Variants in TMEM117 observed in about 807,000 individuals in gnomAD.
TMEM117 encodes the protein transmembrane protein 117.
In TMEM117, 27 loss-of-function variants were observed where a neutral mutation model predicts 52.4. The ratio of observed to expected loss-of-function variants is 0.51; its 90% CI spans 0.38 to 0.71. The LOEUF (loss-of-function observed/expected upper bound fraction) is 0.71. TMEM117 is among the 30% of genes least tolerant of loss of function. TMEM117 has a pLI of 0.00. For missense variants in TMEM117, 556 were observed against 630.5 expected (o/e 0.88, Z 1.26); for synonymous variants, 215 against 206.3 (o/e 1.04, Z -0.36).
chr12:44,245,832 A>C (rs568395676), intron 5 of TMEM117, among the ~76,000 whole-genome samples: 9 of 152,158 alleles, frequency 5.9e-5, no homozygotes, highest in Non-Finnish European at 1.2e-4. Flanking sequence ...TCAGGAAAAC[A>C]GAACTTTCTA....
At chr12:44,298,839 C>T (rs1427608836) in intron 5 of TMEM117, among the ~76,000 whole-genome samples, 5 of 150,680 alleles carry the variant, frequency 3.3e-5, no homozygotes, top group African/African-American at 1.3e-4. Context: ...CTTATCAAGT[C>T]TTAGAGATGG....
intron 1 of TMEM117, among the ~76,000 whole-genome samples, chr12:43,842,965 G>A (rs1408451313): frequency 6.6e-6 from 1 of 152,152 alleles, no homozygotes; most frequent in East Asian, 1.9e-4. Context: ...CAGAGATTCA[G>A]ATCAGAGCTC....
intron 7 of TMEM117, among the ~76,000 whole-genome samples, chr12:44,386,955 A>G (rs998822736): frequency 1.3e-5 from 2 of 152,052 alleles, no homozygotes; most frequent in Non-Finnish European, 2.9e-5. Context: ...AGTAACAATA[A>G]CGTTAAATAA....
chr12:43,842,026 A>G (rs979930802), intron 1 of TMEM117, among the ~76,000 whole-genome samples: 1 of 152,074 alleles, frequency 6.6e-6, no homozygotes, highest in Non-Finnish European at 1.5e-5. Flanking sequence ...TATGGGAACT[A>G]TTTCTTTTTC....
chr12:44,180,144 C>T (rs556517519), intron 4 of TMEM117, among the ~76,000 whole-genome samples: 5 of 152,110 alleles, frequency 3.3e-5, no homozygotes, highest in Non-Finnish European at 7.4e-5. Context: ...CCTGACTGGG[C>T]AGCCAGTTCC....
In TMEM117 at chr12:44,389,066, A is replaced by ACTGCGAC; in HGVS notation, c.*395_*396insTGCGACC. On this transcript the variant is annotated 3_prime_UTR_variant, in exon 8 of 8. Coordinates refer to ENST00000266534, the MANE Select transcript of TMEM117 (RefSeq NM_032256.3). ...CCTATTTCACATGGGCGTTTTGTATACAACTATTTTGATCTACACTTGATG... is the reference window on the plus strand; with the variant it reads ...CCTATTTCACATGGGCGTTTTGTATACTGCGACCAACTATTTTGATCTACACTTGATG... 3 of 158,460 alleles carry ACTGCGAC rather than the reference A, an allele frequency of 1.9e-5. No individual in the cohort carries two copies. The highest frequency in any genetic ancestry group is 1.6e-4 in the South Asian group (1 of 6,130). 9.8% of individuals were successfully genotyped at this position (158,460 alleles called of 1,614,324 possible).
intron 3 of TMEM117, among the ~76,000 whole-genome samples, chr12:44,066,896 G>C (rs1947229057): frequency 6.6e-6 from 1 of 152,094 alleles, no homozygotes; most frequent in South Asian, 2.1e-4. Flanking sequence ...ATGCTGTTTG[G>C]TAGTCTTATA....
intron 3 of TMEM117, among the ~76,000 whole-genome samples, chr12:44,060,734 G>T (rs936767177): frequency 1.3e-5 from 2 of 152,208 alleles, no homozygotes; most frequent in Non-Finnish European, 2.9e-5. Context: ...GGTTAGAGCT[G>T]TATATGTTGA....
At chr12:44,313,990 T>G (rs1419560910) in intron 6 of TMEM117, among the ~76,000 whole-genome samples, 1 of 152,196 alleles carries the variant, frequency 6.6e-6, no homozygotes, top group Non-Finnish European at 1.5e-5. Context: ...TTATCTGGTC[T>G]AGGAGCCTTT....
At chr12:44,039,743 A>C (rs1388849745) in intron 3 of TMEM117, among the ~76,000 whole-genome samples, 1 of 151,842 alleles carries the variant, frequency 6.6e-6, no homozygotes, top group Admixed American at 6.6e-5. Flanking sequence ...TCTCAATGAA[A>C]TCTTTACCAT....
At chr12:43,864,790 A>G (rs182320017) in intron 2 of TMEM117, among the ~76,000 whole-genome samples, 3 of 151,900 alleles carry the variant, frequency 2.0e-5, no homozygotes, top group Non-Finnish European at 4.4e-5. Context: ...TGCTGGAGCC[A>G]GCAGGGGGTC....
intron 2 of TMEM117, among the ~76,000 whole-genome samples, chr12:43,854,955 T>C (rs1157057188): frequency 6.6e-6 from 1 of 152,226 alleles, no homozygotes; most frequent in East Asian, 1.9e-4. Context: ...CCACTTCTTA[T>C]CCAAAACCTT....
At chr12:44,196,096 AAAAAT>A (rs1375546045) in intron 4 of TMEM117, among the ~76,000 whole-genome samples, 10 of 152,004 alleles carry the variant, frequency 6.6e-5, no homozygotes, top group African/African-American at 2.2e-4. Context: ...CTTTAAAAGA[AAAAAT>A]AAAAGAAAGA....
chr12:44,337,422 C>A (rs938536993), intron 6 of TMEM117, among the ~76,000 whole-genome samples: 4 of 151,954 alleles, frequency 2.6e-5, no homozygotes, highest in Non-Finnish European at 5.9e-5. Flanking sequence ...TAAGTTTCAA[C>A]AAATTAATTT....
chr12:44,395,454 C>T, the TMEM117 span, among the ~76,000 whole-genome samples: 4 of 152,298 alleles, frequency 2.6e-5, no homozygotes, highest in Admixed American at 2.0e-4. Flanking sequence ...ATCTATTCTC[C>T]ACACTTGTAC....
At chr12:44,215,646 T>A (rs2138411257) in intron 5 of TMEM117, among the ~76,000 whole-genome samples, 1 of 152,272 alleles carries the variant, frequency 6.6e-6, no homozygotes, top group Non-Finnish European at 1.5e-5. Context: ...TCCCCCTGAT[T>A]TGTGTACTCT....
intron 6 of TMEM117, among the ~76,000 whole-genome samples, chr12:44,325,881 C>T (rs1003178114): frequency 1.2e-4 from 18 of 152,178 alleles, no homozygotes; most frequent in Admixed American, 1.0e-3. Context: ...CATGTGAAGG[C>T]TGGGTGCAGT....
intron 2 of TMEM117, among the ~76,000 whole-genome samples, chr12:43,901,254 A>T (rs1944299079): frequency 6.6e-6 from 1 of 152,024 alleles, no homozygotes; most frequent in Admixed American, 6.6e-5. Flanking sequence ...TTTTCTCCAG[A>T]TGCTTTCTTT....
intron 2 of TMEM117, among the ~76,000 whole-genome samples, chr12:43,875,784 G>T (rs545158142): frequency 6.6e-6 from 1 of 152,184 alleles, no homozygotes; most frequent in African/African-American, 2.4e-5. Flanking sequence ...AGTGAATAAG[G>T]GAAAGAAATC....
Sources: gnomAD v4.1 joint callset for allele counts (sites outside exome capture counted in the v4.1 genomes callset) on GRCh38, gnomAD v4.1.1 for gene constraint, MANE v1.5 for transcripts, NCBI Gene and HGNC (gene_info 2026-07-23, HGNC 2026-07-21) for gene names.